Variants in BPIFA1 observed in about 807,000 individuals in gnomAD.
BPIFA1 encodes the protein BPI fold containing family A member 1.
In BPIFA1, 24 loss-of-function variants were observed where a neutral mutation model predicts 25.1. The ratio of observed to expected loss-of-function variants is 0.96; its 90% CI spans 0.69 to 1.35. The LOEUF is 1.35. Among genes scored for constraint, BPIFA1 ranks in the 40% most tolerant of loss-of-function variants. The probability of loss-of-function intolerance (pLI) is 0.00; values close to 1 mark genes in which losing one functional copy is unlikely to be tolerated. For synonymous variants in BPIFA1, 139 were observed against 131.8 expected (o/e 1.05, Z -0.37); for missense variants, 344 against 303.7 (o/e 1.13, Z -0.99).
In BPIFA1 at chr20:33,237,744, C is replaced by T. The variant is rs6120177; in HGVS notation, c.33C>T (p.Tyr11=). MFQTGGLIVF[Y]GLLAQTMAQF... ...AAACTGGGGGCCTCATTGTCTTCTACGGGCTGTTAGCCCAGACCATGGCCC... is the reference window on the plus strand; with the variant it reads ...AAACTGGGGGCCTCATTGTCTTCTATGGGCTGTTAGCCCAGACCATGGCCC... The change falls in exon 2 of 9, where the codon TAC becomes TAT. Residue 11 remains tyrosine, a synonymous_variant. Coordinates refer to ENST00000354297, the MANE Select transcript of BPIFA1 (RefSeq NM_130852.3). 19,239 of 1,510,112 alleles carry T rather than the reference C, an allele frequency of 0.013. 2,219 individuals carry two copies. The African/African-American group carries it at 0.24, about 19-fold the overall frequency. 93.5% of individuals were successfully genotyped at this position (1,510,112 alleles called of 1,614,324 possible).
chr20:33,239,113 C>CAT (rs2146499140), intron 3 of BPIFA1, among the ~76,000 whole-genome samples: 1 of 152,178 alleles, frequency 6.6e-6, no homozygotes, highest in African/African-American at 2.4e-5. Flanking sequence ...AAATGGCCTC[C>CAT]CTGCTTGATG....
chr20:33,238,624 G>A (rs1978812012), intron 3 of BPIFA1, among the ~76,000 whole-genome samples: 1 of 152,164 alleles, frequency 6.6e-6, no homozygotes, highest in Non-Finnish European at 1.5e-5. Flanking sequence ...TGGTCATTTT[G>A]TTCTCTGCAC....
chr20:33,240,411 T>C, intron 5 of BPIFA1, 26 bp downstream of exon 5: 2 of 1,611,474 alleles, frequency 1.2e-6, no homozygotes, highest in South Asian at 1.1e-5. Context: ...CAGCTTATCC[T>C]GCCCAGAGAT....
chr20:33,240,162 G>A (rs1978889516), intron 4 of BPIFA1, 71 bp from the exon 5 acceptor site: 5 of 1,576,202 alleles, frequency 3.2e-6, no homozygotes, highest in African/African-American at 2.7e-5. Context: ...AGCATTCTTG[G>A]CAAGGAGAAA....
At chr20:33,242,606 T>C (rs1195350327) in intron 8 of BPIFA1, 45 bp downstream of exon 8, 10 of 1,446,950 alleles carry the variant, frequency 6.9e-6, no homozygotes, top group African/African-American at 1.4e-5. Context: ...GGCTGGCTGT[T>C]CTTCTCCTGG....
intron 2 of BPIFA1, 30 bp downstream of exon 2, chr20:33,237,901 TGTGTGTGTGTGTG>T (rs1568630011): frequency 1.5e-5 from 1 of 66,016 alleles, no homozygotes; most frequent in African/African-American, 2.2e-3. Context: ...TGTGTGCATG[TGTGTGTGTGTGTG>T]TGTGTGTGTG....
chr20:33,236,379 C>G (rs1000706868), intron 1 of BPIFA1, among the ~76,000 whole-genome samples: 1 of 152,158 alleles, frequency 6.6e-6, no homozygotes, highest in African/African-American at 2.4e-5. Context: ...TGCATTTTTT[C>G]TGAGACTAGG....
At chr20:33,241,352 G>T in intron 5 of BPIFA1, 33 bp from the exon 6 acceptor site, 1 of 1,573,844 alleles carries the variant, frequency 6.4e-7, no homozygotes, top group South Asian at 1.1e-5. Flanking sequence ...CCATCTCCAG[G>T]TCCCTGCATC....
chr20:33,240,448 T>G lies in BPIFA1; in HGVS notation c.581+63T>G, dbSNP rs6059186. 3.2e-6 allele frequency: 5 copies of G among 1,557,240 alleles called. No homozygotes were observed. In the Admixed American group the frequency reaches 8.7e-5, roughly 27 times the overall value. ...ACAGGGTGTGATGCCGGATGGATGA[T>G]TGGAAAGCTGAGACAATGAGAGAAT... On this transcript the variant is annotated intron_variant, in intron 5 of 8. Transcript: ENST00000354297.
intron 6 of BPIFA1, 132 bp downstream of exon 6, chr20:33,241,601 A>G: frequency 1.3e-6 from 1 of 796,746 alleles, no homozygotes; most frequent in Admixed American, 2.0e-5. Context: ...CTATTTGTCC[A>G]TTGATCCATC....
chr20:33,241,745 C>G (rs1197764530), intron 6 of BPIFA1, among the ~76,000 whole-genome samples: 3 of 152,188 alleles, frequency 2.0e-5, no homozygotes, highest in Admixed American at 6.5e-5. Flanking sequence ...CCCTGTCCAG[C>G]CTTCTATGGC....
At position 33,238,170 on chromosome 20, in the gene BPIFA1, T is replaced by C; in HGVS notation, c.276T>C (p.Leu92=). The change falls in exon 3 of 9, where the codon CTT becomes CTC. Residue 92 remains leucine (L), a synonymous_variant. Transcript: ENST00000354297. ...CTGGTGGCCTCCTTGGGGGACTGCT[T>C]GGAAAAGTGACGTCAGTGATTCCTG... The part of the protein sequence containing the change: ...GTSGGLLGGL[L]GKVTSVIPGL... The C allele has an allele frequency of 6.2e-7, 1 of 1,613,854 alleles. No individual in the cohort carries two copies. The highest frequency in any genetic ancestry group is 8.5e-7 in the Non-Finnish European group (1 of 1,179,888).
intron 6 of BPIFA1, among the ~76,000 whole-genome samples, chr20:33,241,827 T>G (rs1000739193): frequency 6.6e-6 from 1 of 152,242 alleles, no homozygotes; most frequent in Admixed American, 6.5e-5. Context: ...TAGAATCAGA[T>G]GTGATGTCAC....
At chr20:33,239,728 T>G in intron 3 of BPIFA1, 75 bp from the exon 4 acceptor site, 1 of 1,401,910 alleles carries the variant, frequency 7.1e-7, no homozygotes, top group Non-Finnish European at 1.0e-6. Flanking sequence ...ATGGGTACTG[T>G]TAGGTTAAAG....
intron 4 of BPIFA1, 84 bp downstream of exon 4, chr20:33,239,994 G>A: frequency 2.1e-6 from 3 of 1,450,264 alleles, no homozygotes; most frequent in Non-Finnish European, 2.9e-6. Context: ...GGGGGTATTG[G>A]AGTCTAACAG....
intron 1 of BPIFA1, among the ~76,000 whole-genome samples, chr20:33,237,416 G>A (rs1236739294): frequency 6.6e-6 from 1 of 152,224 alleles, no homozygotes; most frequent in Non-Finnish European, 1.5e-5. Flanking sequence ...GGAATGTGGT[G>A]GAGTGGGGCT....
intron 7 of BPIFA1, 104 bp downstream of exon 7, chr20:33,242,223 T>A: frequency 8.2e-7 from 1 of 1,217,274 alleles, no homozygotes; most frequent in Non-Finnish European, 1.2e-6. Context: ...CCCTCTGGCC[T>A]CAACTCTCTC....
rs200585255 is a variant in BPIFA1 at position 33,237,787 on chromosome 20, G to A, written c.76G>A (p.Val26Met). 6.8e-5 allele frequency: 109 copies of A among 1,597,204 alleles called. No individual in the cohort carries two copies. The East Asian group carries it at 1.8e-3, about 26-fold the overall frequency. ...CATGGCCCAGTTTGGAGGCCTGCCC[G>A]TGCCCCTGGACCAGACCCTGCCCTT... ...QTMAQFGGLP[V>M]PLDQTLPLNV... Residue 26 changes from valine to methionine, a missense_variant, in exon 2 of 9, where the codon GTG becomes ATG. Transcript: ENST00000354297.
Position 33,237,762 on chromosome 20 carries a change from C to T in BPIFA1, c.51C>T (p.Thr17=), listed in dbSNP as rs774504523. 9 of 1,579,050 alleles carry T rather than the reference C, an allele frequency of 5.7e-6. No homozygotes were observed. ...TCTTCTACGGGCTGTTAGCCCAGACCATGGCCCAGTTTGGAGGCCTGCCCG... is the reference window on the plus strand; with the variant it reads ...TCTTCTACGGGCTGTTAGCCCAGACTATGGCCCAGTTTGGAGGCCTGCCCG... The part of the protein sequence containing the change: ...LIVFYGLLAQ[T]MAQFGGLPVP... The change falls in exon 2 of 9, where the codon ACC becomes ACT. Residue 17 remains threonine, a synonymous_variant. Coordinates refer to ENST00000354297, the MANE Select transcript of BPIFA1 (RefSeq NM_130852.3).
Sources: allele counts gnomAD v4.1 joint callset (sites outside exome capture counted in the v4.1 genomes callset), GRCh38; gene constraint gnomAD v4.1.1; transcripts MANE v1.5; gene names NCBI Gene and HGNC (gene_info 2026-07-23, HGNC 2026-07-21).